The following EYS variants were observed in gnomAD, a reference collection of about 807,000 sequenced individuals.
EYS encodes the protein EGF-like photoreceptor maintenance factor, also known as protein eyes shut homolog.
In EYS, 250 loss-of-function variants were observed where a neutral mutation model predicts 282.1. The observed-to-expected ratio is 0.89, with a 90% CI of 0.80 to 0.98. The LOEUF (loss-of-function observed/expected upper bound fraction) is 0.98. Ranked by LOEUF, EYS falls within the 50% of genes least tolerant of loss-of-function variation. The pLI is 0.00. For missense variants in EYS, 4,016 were observed against 3,709.0 expected (o/e 1.08, Z -2.15); for synonymous variants, 1,355 against 1,282.9 (o/e 1.06, Z -1.20).
rs1470297140 is a variant in EYS at position 64,832,741 on chromosome 6, TA to T, written c.2993-9920del. 3.9e-5 allele frequency among the ~76,000 whole-genome samples: 6 copies of T among 152,040 alleles called. No homozygotes were observed. In the East Asian group the frequency reaches 1.2e-3, roughly 30 times the overall value. ...ATGTCAAAATTAGTCAAGATGCACATATTAAATGTATGTAGTGTTTTTGGAT... is the reference window on the plus strand; with the variant it reads ...ATGTCAAAATTAGTCAAGATGCACATTTAAATGTATGTAGTGTTTTTGGAT... On this transcript the variant is annotated intron_variant, in intron 19 of 42. Transcript: ENST00000503581.
chr6:65,182,140 T>C (rs1581990937), intron 12 of EYS, among the ~76,000 whole-genome samples: 2 of 151,736 alleles, frequency 1.3e-5, no homozygotes, highest in African/African-American at 4.8e-5. Flanking sequence ...CACACCAACA[T>C]GGCATATGTA....
At chr6:64,021,644 G>A (rs1248710260) in intron 33 of EYS, among the ~76,000 whole-genome samples, 2 of 152,132 alleles carry the variant, frequency 1.3e-5, no homozygotes, top group African/African-American at 4.8e-5. Context: ...ATTATCATAT[G>A]TTGTAACATT....
chr6:64,956,656 T>A (rs748826228), intron 14 of EYS, among the ~76,000 whole-genome samples: 1 of 152,036 alleles, frequency 6.6e-6, no homozygotes, highest in Non-Finnish European at 1.5e-5. Context: ...ATCCACAGAA[T>A]GAGAGGAAAA....
chr6:65,422,927 C>G (rs531242638), intron 5 of EYS, among the ~76,000 whole-genome samples: 74 of 151,668 alleles, frequency 4.9e-4, no homozygotes, highest in African/African-American at 1.7e-3. Context: ...ATAATAACTC[C>G]AAACTTAAAA....
chr6:64,217,986 T>A (rs1765985264), intron 31 of EYS, among the ~76,000 whole-genome samples: 2 of 152,192 alleles, frequency 1.3e-5, no homozygotes, highest in African/African-American at 2.4e-5. Context: ...GTTGTAGGAA[T>A]CTCTCTGTTG....
chr6:65,373,634 A>C (rs1431512416), intron 8 of EYS, among the ~76,000 whole-genome samples: 1 of 152,096 alleles, frequency 6.6e-6, no homozygotes, highest in Non-Finnish European at 1.5e-5. Context: ...CTTTTCACAA[A>C]ACATTTTAAC....
intron 36 of EYS, among the ~76,000 whole-genome samples, chr6:63,844,384 C>A (rs1480411710): frequency 6.6e-6 from 1 of 152,166 alleles, no homozygotes. Context: ...AATTGGATTG[C>A]TGGCTCAAAT....
At chr6:64,791,981 T>C (rs1403709895) in intron 22 of EYS, among the ~76,000 whole-genome samples, 1 of 151,896 alleles carries the variant, frequency 6.6e-6, no homozygotes, top group African/African-American at 2.4e-5. Context: ...AGCATTGTTT[T>C]CTGAATGAAA....
chr6:65,143,342 G>A (rs899755168), intron 12 of EYS, among the ~76,000 whole-genome samples: 2 of 151,490 alleles, frequency 1.3e-5, no homozygotes, highest in African/African-American at 4.8e-5. Flanking sequence ...AATTTGTGGT[G>A]GAAAAGAGCT....
At chr6:65,093,015 A>G (rs544455937) in intron 12 of EYS, among the ~76,000 whole-genome samples, 1 of 152,278 alleles carries the variant, frequency 6.6e-6, no homozygotes, top group South Asian at 2.1e-4. Flanking sequence ...AATTATCAGA[A>G]GTCAATACCA....
At chr6:63,913,610 G>A (rs516498) in intron 35 of EYS, among the ~76,000 whole-genome samples, 107,208 of 152,100 alleles carry the variant, frequency 0.7, 37,932 homozygotes, top group Non-Finnish European at 0.73. Flanking sequence ...GGCATATTTC[G>A]CTTAGTATTA....
At chr6:65,579,351 A>G (rs1764790880) in intron 2 of EYS, among the ~76,000 whole-genome samples, 1 of 152,136 alleles carries the variant, frequency 6.6e-6, no homozygotes, top group African/African-American at 2.4e-5. Context: ...GGGAATATAA[A>G]CAGTATGCTG....
Position 64,584,373 on chromosome 6 carries a change from T to C in EYS, c.5644+5850A>G, listed in dbSNP as rs1011481032. On this transcript the variant is annotated intron_variant, in intron 26 of 42. Coordinates refer to ENST00000503581, the MANE Select transcript of EYS (RefSeq NM_001142800.2). ...AGTATTTAATAAAGCCACCATATTA[T>C]GATAATAGTTGTTTTCCAATTTTTA... is the stretch of plus-strand genomic sequence containing the variant. 3.3e-5 allele frequency among the ~76,000 whole-genome samples: 5 copies of C among 151,800 alleles called. No individual in the cohort carries two copies. In the South Asian group the frequency reaches 1.0e-3, roughly 31 times the overall value.
chr6:64,674,423 C>T (rs1418516449), intron 22 of EYS, among the ~76,000 whole-genome samples: 2 of 151,812 alleles, frequency 1.3e-5, no homozygotes, highest in Non-Finnish European at 2.9e-5. Flanking sequence ...AAGTCAGGAT[C>T]TCTATTTATA....
chr6:63,939,774 C>T (rs1765178842), intron 35 of EYS, among the ~76,000 whole-genome samples: 1 of 151,988 alleles, frequency 6.6e-6, no homozygotes, highest in East Asian at 1.9e-4. Flanking sequence ...ATTTTATTAT[C>T]TATTACCAGA....
intron 28 of EYS, among the ~76,000 whole-genome samples, chr6:64,431,907 C>T (rs1774586423): frequency 6.6e-6 from 1 of 152,060 alleles, no homozygotes; most frequent in Admixed American, 6.6e-5. Context: ...AAAATATCTG[C>T]CAGTGTGTGG....
At chr6:65,150,138 G>A (rs1171595682) in intron 12 of EYS, among the ~76,000 whole-genome samples, 1 of 152,012 alleles carries the variant, frequency 6.6e-6, no homozygotes, top group African/African-American at 2.4e-5. Context: ...TTCAAGATAA[G>A]ATTTGGGTGG....
intron 18 of EYS, among the ~76,000 whole-genome samples, chr6:64,898,001 G>A (rs1767529436): frequency 6.6e-6 from 1 of 152,180 alleles, no homozygotes; most frequent in Non-Finnish European, 1.5e-5. Flanking sequence ...GAAAGTGACA[G>A]GGAGAATGGA....
Position 65,665,171 on chromosome 6 carries a change from C to T in EYS, c.-447-25279G>A, listed in dbSNP as rs188700966. Among the ~76,000 whole-genome samples the T allele has an allele frequency of 2.6e-5, 4 of 152,196 alleles. No homozygotes were observed. The East Asian group carries it at 7.7e-4, about 29-fold the overall frequency. On this transcript the variant is annotated intron_variant, in intron 1 of 42. Coordinates refer to ENST00000503581, the MANE Select transcript of EYS (RefSeq NM_001142800.2). ...GTTATAGTTCAGTTTTAACTAGGGA[C>T]ATACAAGTCATAATGTCTTAACTTC...
Sources: allele counts gnomAD v4.1 joint callset (sites outside exome capture counted in the v4.1 genomes callset), GRCh38; gene constraint gnomAD v4.1.1; transcripts MANE v1.5; gene names NCBI Gene and HGNC (gene_info 2026-07-23, HGNC 2026-07-21).